Variants in HLCS observed in about 807,000 individuals in gnomAD.
HLCS encodes biotin--protein ligase.
HLCS carries 53 observed loss-of-function variants against 75.0 expected under a neutral mutation model. That is an observed-to-expected ratio of 0.71 (90% CI 0.57 to 0.89). The LOEUF (loss-of-function observed/expected upper bound fraction) is 0.89, where lower values mean the gene tolerates loss of function less well. Ranked by LOEUF, HLCS falls within the 40% of genes least tolerant of loss-of-function variation. HLCS has a pLI of 0.00. For missense variants in HLCS, 966 were observed against 1,074.0 expected (o/e 0.90, Z 1.41); for synonymous variants, 431 against 428.6 (o/e 1.01, Z -0.07).
chr21:36,902,098 G>A (rs1457125086), intron 5 of HLCS, among the ~76,000 whole-genome samples: 2 of 152,140 alleles, frequency 1.3e-5, no homozygotes, highest in Non-Finnish European at 2.9e-5. Context: ...CCCAGACTCT[G>A]ATGAGAGCAG....
At chr21:36,907,085 A>G (rs1395504496) in intron 5 of HLCS, among the ~76,000 whole-genome samples, 1 of 152,156 alleles carries the variant, frequency 6.6e-6, no homozygotes, top group Non-Finnish European at 1.5e-5. Context: ...AAAAATGATA[A>G]TCTTTGCAAT....
At chr21:36,823,610 G>GGTGTGTGTGT (rs59724760) in intron 6 of HLCS, among the ~76,000 whole-genome samples, 2,326 of 132,764 alleles carry the variant, frequency 0.018, 45 homozygotes, top group Non-Finnish European at 0.023. Context: ...AAACGTGCAG[G>GGTGTGTGTGT]GTGTGTGTGT....
At chr21:36,759,363 G>A (rs1433174303) in intron 9 of HLCS, among the ~76,000 whole-genome samples, 1 of 152,220 alleles carries the variant, frequency 6.6e-6, no homozygotes, top group East Asian at 1.9e-4. Flanking sequence ...CGATAAGAAT[G>A]CAAGACACCA....
chr21:36,832,096 A>G (rs2062230879), intron 6 of HLCS, among the ~76,000 whole-genome samples: 1 of 152,206 alleles, frequency 6.6e-6, no homozygotes, highest in African/African-American at 2.4e-5. Flanking sequence ...TTTAGGTTCA[A>G]TTAGATACTG....
chr21:36,811,789 C>A (rs2061517872), intron 6 of HLCS, among the ~76,000 whole-genome samples: 1 of 152,200 alleles, frequency 6.6e-6, no homozygotes, highest in African/African-American at 2.4e-5. Flanking sequence ...AGTGACCTCA[C>A]CTGCTATTGA....
intron 6 of HLCS, among the ~76,000 whole-genome samples, chr21:36,776,321 T>C (rs746635032): frequency 2.0e-5 from 3 of 152,218 alleles, no homozygotes; most frequent in Non-Finnish European, 2.9e-5. Flanking sequence ...TGTATTCCTA[T>C]ATGCGTCTGT....
chr21:36,906,522 A>AC (rs1427660427), intron 5 of HLCS, among the ~76,000 whole-genome samples: 3 of 152,184 alleles, frequency 2.0e-5, no homozygotes, highest in Admixed American at 6.5e-5. Context: ...ACAGAGCGAG[A>AC]CCCCATCTCA....
At chr21:36,947,124 C>T (rs1012249946) in intron 2 of HLCS, among the ~76,000 whole-genome samples, 9 of 152,174 alleles carry the variant, frequency 5.9e-5, no homozygotes, top group South Asian at 2.1e-4. Flanking sequence ...GGAGACTCAA[C>T]CCGGAATTTA....
At chr21:36,878,105 G>A (rs963748139) in intron 6 of HLCS, among the ~76,000 whole-genome samples, 5 of 151,658 alleles carry the variant, frequency 3.3e-5, no homozygotes, top group African/African-American at 2.4e-5. Flanking sequence ...TGAACTTCTT[G>A]AGCCTGGAAA....
chr21:36,796,573 C>T (rs994634262), intron 6 of HLCS, among the ~76,000 whole-genome samples: 6 of 152,162 alleles, frequency 3.9e-5, no homozygotes, highest in South Asian at 4.1e-4. Context: ...TAATCCAGGG[C>T]GTTGGGAGAC....
At chr21:36,803,521 G>T (rs1337445866) in intron 6 of HLCS, among the ~76,000 whole-genome samples, 1 of 152,206 alleles carries the variant, frequency 6.6e-6, no homozygotes, top group Non-Finnish European at 1.5e-5. Context: ...GCACAGCGAG[G>T]CTTCTGGAGG....
At chr21:36,881,387 A>G (rs547835799) in intron 6 of HLCS, among the ~76,000 whole-genome samples, 48 of 152,294 alleles carry the variant, frequency 3.2e-4, no homozygotes, top group East Asian at 1.4e-3. Flanking sequence ...AGGGGCATGG[A>G]ACTCATTCGA....
intron 6 of HLCS, among the ~76,000 whole-genome samples, chr21:36,801,015 A>G (rs1475896769): frequency 3.9e-5 from 6 of 152,220 alleles, no homozygotes; most frequent in Admixed American, 3.9e-4. Context: ...TGTGTCATCC[A>G]TGGCAACATT....
At chr21:36,971,574 A>T (rs2068790096), upstream of HLCS, among the ~76,000 whole-genome samples, 1 of 152,138 alleles carries the variant, frequency 6.6e-6, no homozygotes, top group African/African-American at 2.4e-5. Flanking sequence ...CACACCTGTA[A>T]TCCTACCACT....
intron 6 of HLCS, among the ~76,000 whole-genome samples, chr21:36,801,610 A>G (rs2061202406): frequency 6.6e-6 from 1 of 152,186 alleles, no homozygotes; most frequent in Admixed American, 6.6e-5. Context: ...GTGGCAGTTC[A>G]TCTTTTTATT....
chr21:36,867,402 A>C (rs922646315), intron 6 of HLCS, among the ~76,000 whole-genome samples: 2 of 152,238 alleles, frequency 1.3e-5, no homozygotes, highest in Non-Finnish European at 2.9e-5. Flanking sequence ...ACACAGCAGC[A>C]AACACAGATC....
intron 6 of HLCS, among the ~76,000 whole-genome samples, chr21:36,771,002 G>C (rs2060188635): frequency 6.6e-6 from 1 of 151,950 alleles, no homozygotes; most frequent in Non-Finnish European, 1.5e-5. Flanking sequence ...GGCGGATCAC[G>C]AGGTCAGGAG....
upstream of HLCS, chr21:36,966,781 G>C (rs2068620489): frequency 6.6e-6 from 1 of 152,566 alleles, no homozygotes; most frequent in East Asian, 2.5e-4. Flanking sequence ...CGGGGACCCG[G>C]AAGGTGACGC....
intron 6 of HLCS, among the ~76,000 whole-genome samples, chr21:36,815,770 T>G (rs2061647135): frequency 6.6e-6 from 1 of 152,180 alleles, no homozygotes; most frequent in Non-Finnish European, 1.5e-5. Flanking sequence ...GTTGTTCTAG[T>G]TCAGAGTGTT....
Sources: allele counts gnomAD v4.1 joint callset (sites outside exome capture counted in the v4.1 genomes callset), GRCh38; gene constraint gnomAD v4.1.1; transcripts MANE v1.5; gene names NCBI Gene and HGNC (gene_info 2026-07-23, HGNC 2026-07-21).